The following PTPRQ variants were observed in gnomAD, a reference collection of about 807,000 sequenced individuals.
PTPRQ encodes the protein protein tyrosine phosphatase receptor type Q, also known as phosphatidylinositol phosphatase PTPRQ.
In PTPRQ, 199 loss-of-function variants were observed where a neutral mutation model predicts 246.0. The ratio of observed to expected loss-of-function variants is 0.81; its 90% CI spans 0.72 to 0.91. The LOEUF is 0.91. PTPRQ is among the 40% of genes least tolerant of loss of function. The pLI, the probability that PTPRQ is intolerant of heterozygous loss-of-function variation, is 0.00. For synonymous variants in PTPRQ, 869 were observed against 853.2 expected, an observed-to-expected ratio of 1.02 and a Z score of -0.32; for missense variants, 2,624 against 2,528.4, an observed-to-expected ratio of 1.04 and a Z score of -0.81.
intron 33 of PTPRQ, 127 bp downstream of exon 33, chr12:80,622,261 T>C (rs986294913): frequency 3.7e-6 from 3 of 812,498 alleles, no homozygotes. Flanking sequence ...TTAATTAGCC[T>C]CTCTAGTAAT....
intron 33 of PTPRQ, among the ~76,000 whole-genome samples, chr12:80,623,637 AGAT>A (rs2121142452): frequency 6.6e-6 from 1 of 152,288 alleles, no homozygotes; most frequent in East Asian, 1.9e-4. Context: ...GACCTAGACA[AGAT>A]AGATAACCCA....
chr12:80,678,875 A>C, intron 44 of PTPRQ, 111 bp from the exon 45 acceptor site: 1 of 1,438,732 alleles, frequency 7.0e-7, no homozygotes, highest in Non-Finnish European at 9.1e-7. Flanking sequence ...CTCTAATCCA[A>C]GTTGGGCTAA....
At chr12:80,553,876 G>T (rs1347332554) in intron 25 of PTPRQ, among the ~76,000 whole-genome samples, 1 of 152,186 alleles carries the variant, frequency 6.6e-6, no homozygotes, top group Non-Finnish European at 1.5e-5. Context: ...GATTCAAAAT[G>T]CACTTATTCA....
At chr12:80,662,744 T>C (rs533305629) in intron 39 of PTPRQ, among the ~76,000 whole-genome samples, 1 of 152,078 alleles carries the variant, frequency 6.6e-6, no homozygotes, top group African/African-American at 2.4e-5. Context: ...CATCCATGGG[T>C]AAAGGTCATA....
chr12:80,646,041 A>G (rs1265306111), intron 35 of PTPRQ, among the ~76,000 whole-genome samples: 1 of 152,214 alleles, frequency 6.6e-6, no homozygotes, highest in Non-Finnish European at 1.5e-5. Context: ...AGCACAATAT[A>G]GTCTATCCAT....
chr12:80,549,739 C>T lies in PTPRQ; in HGVS notation c.4285+5C>T. 1.5e-6 allele frequency: 2 copies of T among 1,368,638 alleles called. No individual in the cohort carries two copies. Among genetic ancestry groups the T allele is most frequent in the South Asian group, 2.6e-5 (2 of 76,238 alleles). 84.8% of individuals were successfully genotyped at this position (1,368,638 alleles called of 1,614,324 possible). A position where few individuals can be genotyped will look rare whatever the true frequency, so the allele number is the denominator to read the frequency against. The stretch of plus-strand genomic sequence containing the variant: ...TCAGCACACTACCTGAAACAGGTAA[C>T]TAACGTGAAACAGGTAACTAACATG... On this transcript the variant is annotated splice_donor_5th_base_variant and intron_variant, in intron 25 of 44. Transcript: ENST00000644991.
At chr12:80,661,218 T>A (rs921344783) in intron 39 of PTPRQ, among the ~76,000 whole-genome samples, 8 of 150,566 alleles carry the variant, frequency 5.3e-5, no homozygotes, top group African/African-American at 1.7e-4. Flanking sequence ...GGAAAAAATA[T>A]ATATATATAA....
At position 80,546,825 on chromosome 12, in the gene PTPRQ, C is replaced by T. The variant is rs1896322293; in HGVS notation, c.4015+128C>T. 3 of 1,142,642 alleles carry T rather than the reference C, an allele frequency of 2.6e-6. No homozygotes were observed. The South Asian group carries it at 5.1e-5, about 19-fold the overall frequency. The allele number at this position is 1,142,642 out of a possible 1,614,324, so 70.8% of individuals were successfully genotyped here. A position where few individuals can be genotyped will look rare whatever the true frequency, so the allele number is the denominator to read the frequency against. On this transcript the variant is annotated intron_variant, in intron 24 of 44. Transcript: ENST00000644991. ...CTCAAAGGGAAATTGCATTTCAGTG[C>T]TTTACGTTTAGTCTTGGTCTTGTGT...
At chr12:80,514,805 T>C (rs1895242370) in intron 17 of PTPRQ, among the ~76,000 whole-genome samples, 2 of 146,954 alleles carry the variant, frequency 1.4e-5, no homozygotes, top group African/African-American at 2.5e-5. Context: ...TTTCTTATTG[T>C]ATTTCTGCAA....
intron 8 of PTPRQ, among the ~76,000 whole-genome samples, chr12:80,474,136 G>C (rs1026090871): frequency 1.3e-5 from 2 of 152,134 alleles, no homozygotes; most frequent in African/African-American, 4.8e-5. Context: ...TTAAAACTTT[G>C]AAATAAATGG....
Position 80,471,474 on chromosome 12 carries a change from A to ATTTTTTTTTTTTTTTTTTTTTT in PTPRQ, c.1040-614_1040-613insTTTTTTTTTTTTTTTTTTTTTT. On this transcript the variant is annotated intron_variant, in intron 7 of 44. Transcript: ENST00000644991. ...ATAGAAGATAATGAAATTATTTAGCATTTTTTTTTTTTTTTTTATTTGAGA... is the reference window on the plus strand; with the variant it reads ...ATAGAAGATAATGAAATTATTTAGCATTTTTTTTTTTTTTTTTTTTTTTTTTTTTTTTTTTTTTTATTTGAGA... Among the ~76,000 whole-genome samples the ATTTTTTTTTTTTTTTTTTTTTT allele has an allele frequency of 2.7e-5, 2 of 73,198 alleles. 1 individual carries two copies. Among genetic ancestry groups the ATTTTTTTTTTTTTTTTTTTTTT allele is most frequent in the African/African-American group, 1.2e-4 (2 of 16,858 alleles). The allele number at this position is 73,198 out of a possible 152,430, so 48.0% of individuals were successfully genotyped here. A position where few individuals can be genotyped will look rare whatever the true frequency, so the allele number is the denominator to read the frequency against.
intron 8 of PTPRQ, among the ~76,000 whole-genome samples, chr12:80,478,403 AAGT>A (rs1449335205): frequency 6.6e-6 from 1 of 151,564 alleles, no homozygotes; most frequent in Non-Finnish European, 1.5e-5. Flanking sequence ...CAAAGACCAA[AAGT>A]AGATAAAACC....
chr12:80,551,588 G>C (rs1022052930), intron 25 of PTPRQ, among the ~76,000 whole-genome samples: 1 of 152,048 alleles, frequency 6.6e-6, no homozygotes, highest in Non-Finnish European at 1.5e-5. Context: ...TGTCAAGTTG[G>C]GTACCTGAAG....
chr12:80,486,169 G>T (rs1044352705), intron 9 of PTPRQ, among the ~76,000 whole-genome samples: 1 of 152,074 alleles, frequency 6.6e-6, no homozygotes, highest in Non-Finnish European at 1.5e-5. Flanking sequence ...AATTTAATGG[G>T]TTCATGTGTG....
intron 7 of PTPRQ, among the ~76,000 whole-genome samples, chr12:80,469,320 C>T (rs1893549750): frequency 6.6e-6 from 1 of 152,056 alleles, no homozygotes; most frequent in Non-Finnish European, 1.5e-5. Flanking sequence ...AAAAAGAAAA[C>T]CTATTAAAAT....
chr12:80,484,240 C>T (rs757716555), intron 8 of PTPRQ, among the ~76,000 whole-genome samples, 193 bp from the exon 9 acceptor site: 41 of 152,118 alleles, frequency 2.7e-4, no homozygotes, highest in Non-Finnish European at 5.9e-4. Context: ...CTCCTTACCT[C>T]AGGTGATTGG....
chr12:80,501,779 G>T (rs977743967), intron 14 of PTPRQ, among the ~76,000 whole-genome samples: 7 of 151,972 alleles, frequency 4.6e-5, no homozygotes, highest in Admixed American at 1.3e-4. Flanking sequence ...CAAGTAGAAG[G>T]AGTTTATTCC....
chr12:80,447,501 A>G (rs1565709057), intron 3 of PTPRQ, among the ~76,000 whole-genome samples: 1 of 151,978 alleles, frequency 6.6e-6, no homozygotes, highest in African/African-American at 2.4e-5. Flanking sequence ...AGTTTTACCT[A>G]GTTTTTCTTA....
At position 80,479,607 on chromosome 12, in the gene PTPRQ, T is replaced by C. The variant is rs1239010999; in HGVS notation, c.1187-4826T>C. Among the ~76,000 whole-genome samples the C allele has an allele frequency of 2.7e-3, 383 of 142,176 alleles. 5 individuals are homozygous for C. The highest frequency in any genetic ancestry group is 9.7e-3 in the African/African-American group (360 of 36,928). 93.3% of individuals were successfully genotyped at this position (142,176 alleles called of 152,430 possible). A position where few individuals can be genotyped will look rare whatever the true frequency, so the allele number is the denominator to read the frequency against. On this transcript the variant is annotated intron_variant, in intron 8 of 44. Transcript: ENST00000644991. ...AAATTGGATAAAGAGTCAAGACCCA[T>C]CAGTGTGCTGTATTCAGGAAACCCA...
Sources: gnomAD v4.1 joint callset for allele counts (sites outside exome capture counted in the v4.1 genomes callset) on GRCh38, gnomAD v4.1.1 for gene constraint, MANE v1.5 for transcripts, NCBI Gene and HGNC (gene_info 2026-07-23, HGNC 2026-07-21) for gene names.